The following TANC2 variants were observed in gnomAD, a reference collection of about 807,000 sequenced individuals.
TANC2 encodes protein TANC2.
TANC2 carries 26 observed loss-of-function variants against 210.5 expected under a neutral mutation model. The observed-to-expected ratio is 0.12, with a 90% CI of 0.09 to 0.17. The LOEUF is 0.17. TANC2 is among the 10% of genes least tolerant of loss of function. TANC2 has a pLI of 1.00. For synonymous variants in TANC2, 931 were observed against 967.1 expected, an observed-to-expected ratio of 0.96 and a Z score of 0.69; for missense variants, 2,129 against 2,608.9, an observed-to-expected ratio of 0.82 and a Z score of 4.01.
chr17:63,040,753 T>C (rs1346075314), intron 2 of TANC2, among the ~76,000 whole-genome samples: 1 of 152,164 alleles, frequency 6.6e-6, no homozygotes, highest in African/African-American at 2.4e-5. Flanking sequence ...ATGTGTATGG[T>C]TCCATTACAA....
At chr17:63,070,117 T>C (rs1468607691) in intron 2 of TANC2, among the ~76,000 whole-genome samples, 1 of 152,222 alleles carries the variant, frequency 6.6e-6, no homozygotes, top group East Asian at 1.9e-4. Flanking sequence ...CTGTAGAAAT[T>C]ATGTACACAT....
intron 7 of TANC2, among the ~76,000 whole-genome samples, chr17:63,202,041 T>G (rs2041551360): frequency 6.6e-6 from 1 of 152,146 alleles, no homozygotes; most frequent in South Asian, 2.1e-4. Flanking sequence ...GGGACACTGT[T>G]CTAATGCTCT....
chr17:63,318,201 T>G (rs1366739579), intron 10 of TANC2, among the ~76,000 whole-genome samples: 1 of 152,244 alleles, frequency 6.6e-6, no homozygotes, highest in Non-Finnish European at 1.5e-5. Context: ...CAACTTCTAA[T>G]ATTTACTTTG....
At chr17:63,078,192 A>G (rs1382558742) in intron 3 of TANC2, among the ~76,000 whole-genome samples, 1 of 152,168 alleles carries the variant, frequency 6.6e-6, no homozygotes, top group African/African-American at 2.4e-5. Context: ...AAGTTATTTA[A>G]TAAATATAGG....
At chr17:63,012,008 T>C (rs574529918) in intron 2 of TANC2, among the ~76,000 whole-genome samples, 19 of 151,342 alleles carry the variant, frequency 1.3e-4, no homozygotes, top group Non-Finnish European at 2.5e-4. Context: ...TCTTTTGTGT[T>C]GATCAAAACT....
intron 2 of TANC2, among the ~76,000 whole-genome samples, chr17:63,053,352 G>A (rs2035651747): frequency 6.6e-6 from 1 of 152,188 alleles, no homozygotes; most frequent in Non-Finnish European, 1.5e-5. Context: ...TACACTGGCT[G>A]AATGCAGTGA....
intron 7 of TANC2, among the ~76,000 whole-genome samples, chr17:63,215,990 A>G (rs1429633838): frequency 6.6e-6 from 1 of 151,608 alleles, no homozygotes; most frequent in East Asian, 1.9e-4. Flanking sequence ...TGACCTCATG[A>G]TCTGCCTGCC....
intron 8 of TANC2, among the ~76,000 whole-genome samples, chr17:63,246,997 A>G (rs1303982062): frequency 1.3e-5 from 2 of 152,124 alleles, no homozygotes; most frequent in African/African-American, 4.8e-5. Flanking sequence ...CTGGTGTGAA[A>G]TGATATCTCA....
chr17:63,339,939 T>C (rs1481679323), intron 11 of TANC2, among the ~76,000 whole-genome samples, 162 bp from the exon 12 acceptor site: 1 of 152,180 alleles, frequency 6.6e-6, no homozygotes, highest in Non-Finnish European at 1.5e-5. Context: ...AGTTAGTAGC[T>C]TTTATATTTA....
chr17:63,220,911 AAC>A (rs897310733), intron 7 of TANC2, among the ~76,000 whole-genome samples: 10 of 151,192 alleles, frequency 6.6e-5, no homozygotes, highest in Non-Finnish European at 1.2e-4. Context: ...CAAAAGAAAA[AAC>A]AGTTTGTCTT....
In TANC2 at chr17:62,966,551, G is replaced by A. The variant is rs1489563365; in HGVS notation, c.-222G>A. On this transcript the variant is annotated 5_prime_UTR_variant, in exon 1 of 28. Coordinates refer to ENST00000689528, the Ensembl canonical transcript of TANC2. The surrounding 1 kb of genome is among the most constrained non-coding windows in gnomAD (Gnocchi z 5.1). ...GCTGGCCCCCGAGCCGCCGCTGACA[G>A]GAGCACCGCCGCGGGCTGCGCTCGC... Among the ~76,000 whole-genome samples, 1 of 150,668 alleles carries A rather than the reference G, an allele frequency of 6.6e-6. No individual in the cohort carries two copies. Among genetic ancestry groups the A allele is most frequent in the Non-Finnish European group, 1.5e-5 (1 of 67,538 alleles).
intron 2 of TANC2, among the ~76,000 whole-genome samples, chr17:63,020,170 C>T (rs562378710): frequency 1.3e-5 from 2 of 152,308 alleles, no homozygotes; most frequent in Non-Finnish European, 2.9e-5. Flanking sequence ...TCAGGTGATC[C>T]GCCTGCCTTG....
intron 18 of TANC2, chr17:63,396,994 G>C (rs571728926): frequency 2.0e-5 from 3 of 151,870 alleles, no homozygotes; most frequent in Admixed American, 6.6e-5. Flanking sequence ...AAAAAAAGAG[G>C]CTGGGCGTGG....
At position 63,197,445 on chromosome 17, in the gene TANC2, G is replaced by A. The variant is rs188416103; in HGVS notation, c.582+3306G>A. Among the ~76,000 whole-genome samples, 183 of 152,240 alleles carry A rather than the reference G, an allele frequency of 1.2e-3. 1 individual carries two copies. The highest frequency in any genetic ancestry group is 4.2e-3 in the African/African-American group (174 of 41,540). On this transcript the variant is annotated intron_variant, in intron 6 of 27. Transcript: ENST00000689528. ...CAGGAAGATTATGAAGAAGTAGGAG[G>A]TCATGTTAATTTGGTGACTTTTTTC...
chr17:63,184,821 AT>A (rs760764903), intron 5 of TANC2, among the ~76,000 whole-genome samples: 1 of 149,824 alleles, frequency 6.7e-6, no homozygotes, highest in African/African-American at 2.5e-5. Context: ...ACCCGGCTAA[AT>A]TTTTTTGTAT....
intron 7 of TANC2, among the ~76,000 whole-genome samples, chr17:63,216,538 G>C (rs1490800389): frequency 6.6e-6 from 1 of 152,174 alleles, no homozygotes; most frequent in Admixed American, 6.5e-5. Flanking sequence ...CAGAAATACA[G>C]ATGACAACCT....
Position 63,421,745 on chromosome 17 carries a change from C to A in TANC2, c.6015C>A (p.Ser2005Arg). Residue 2005 changes from serine (S) to arginine (R), a missense_variant, in exon 28 of 28, where the codon AGC becomes AGA. By Grantham distance (110) the Ser-to-Arg change is moderately radical. Transcript: ENST00000689528. The surrounding 1 kb of genome is among the most constrained non-coding windows in gnomAD (Gnocchi z 6.9). ...ATTTGCTGGAGGACGATTATTACAG[C>A]CCCCATGGGATGCTGGCTAACGGGT... The A allele has an allele frequency of 6.2e-7, 1 of 1,614,022 alleles. No homozygotes were observed. The highest frequency in any genetic ancestry group is 8.5e-7 in the Non-Finnish European group (1 of 1,179,892).
intron 2 of TANC2, among the ~76,000 whole-genome samples, chr17:63,063,658 A>T (rs898153865): frequency 1.8e-4 from 25 of 136,036 alleles, no homozygotes; most frequent in Non-Finnish European, 3.1e-4. Flanking sequence ...ACAATATCAC[A>T]CTTTGTTACC....
At chr17:63,245,361 A>G (rs2042886666) in intron 8 of TANC2, among the ~76,000 whole-genome samples, 1 of 152,236 alleles carries the variant, frequency 6.6e-6, no homozygotes, top group Non-Finnish European at 1.5e-5. Context: ...TAATTAAGCT[A>G]TACACCAAAG....
Sources: allele counts gnomAD v4.1 joint callset (sites outside exome capture counted in the v4.1 genomes callset), GRCh38; gene constraint gnomAD v4.1.1; non-coding constraint Gnocchi (gnomAD v3.1); transcripts MANE v1.5; gene names NCBI Gene and HGNC (gene_info 2026-07-23, HGNC 2026-07-21).